The following PARD3B variants were observed in gnomAD, a reference collection of about 807,000 sequenced individuals.
PARD3B encodes partitioning defective 3 homolog B.
PARD3B carries 103 observed loss-of-function variants against 130.2 expected under a neutral mutation model. That is an observed-to-expected ratio of 0.79 (90% confidence interval 0.67 to 0.93). The LOEUF (loss-of-function observed/expected upper bound fraction) is 0.93, where lower values mean the gene tolerates loss of function less well. Ranked by LOEUF, PARD3B falls within the 40% of genes least tolerant of loss-of-function variation. The probability of loss-of-function intolerance (pLI) is 0.00; values close to 1 mark genes in which losing one functional copy is unlikely to be tolerated. For synonymous variants in PARD3B, 583 were observed against 553.2 expected (o/e 1.05, Z -0.76); for missense variants, 1,609 against 1,499.2 (o/e 1.07, Z -1.21).
chr2:204,603,173 T>C (rs943886618), intron 1 of PARD3B, among the ~76,000 whole-genome samples: 2 of 152,128 alleles, frequency 1.3e-5, no homozygotes, highest in Non-Finnish European at 2.9e-5. Flanking sequence ...TGAATCCTTA[T>C]CACATAACCT....
At chr2:205,400,060 C>T (rs1208433828) in intron 18 of PARD3B, among the ~76,000 whole-genome samples, 1 of 152,186 alleles carries the variant, frequency 6.6e-6, no homozygotes, top group Non-Finnish European at 1.5e-5. Context: ...TCTCGTGGCA[C>T]TGTCATGGTG....
At chr2:204,550,614 G>T (rs1381393540) in intron 1 of PARD3B, among the ~76,000 whole-genome samples, 1 of 152,218 alleles carries the variant, frequency 6.6e-6, no homozygotes, top group Non-Finnish European at 1.5e-5. Context: ...GCGTATGTGA[G>T]TACACCCTTT....
At chr2:205,226,202 C>T (rs568697233) in intron 15 of PARD3B, among the ~76,000 whole-genome samples, 14 of 152,216 alleles carry the variant, frequency 9.2e-5, no homozygotes, top group South Asian at 2.1e-4. Context: ...CCACCACGCC[C>T]GGCTAATTTT....
chr2:205,559,675 C>T (rs868057244), intron 22 of PARD3B, among the ~76,000 whole-genome samples: 8 of 149,218 alleles, frequency 5.4e-5, no homozygotes, highest in East Asian at 2.0e-4. Flanking sequence ...CTCGGCTCAC[C>T]GCAACTTCCG....
At chr2:205,170,536 C>A (rs1424540702) in intron 11 of PARD3B, among the ~76,000 whole-genome samples, 2 of 152,176 alleles carry the variant, frequency 1.3e-5, no homozygotes, top group Non-Finnish European at 2.9e-5. Flanking sequence ...GCGGCCCCTG[C>A]AATCCCACGT....
intron 15 of PARD3B, among the ~76,000 whole-genome samples, chr2:205,242,310 A>G (rs1293150790): frequency 6.6e-6 from 1 of 152,198 alleles, no homozygotes; most frequent in Non-Finnish European, 1.5e-5. Flanking sequence ...GAAATAATAA[A>G]TATTATTCAG....
rs2033402123 is a variant in PARD3B, at chr2:205,146,855, G to A, written c.1435-11867G>A. 6.6e-6 allele frequency among the ~76,000 whole-genome samples: 1 copy of A among 151,914 alleles called. No individual in the cohort carries two copies. The highest frequency in any genetic ancestry group is 1.5e-5 in the Non-Finnish European group (1 of 68,000). ...CGATTCTCCTGCCTCAGCTTCCTGA[G>A]TAGCTGGGATTATAGGACCCGGCTA... On this transcript the variant is annotated intron_variant, in intron 10 of 22. Transcript: ENST00000406610. This position sits in a 1 kb window ranked among gnomAD's most constrained non-coding sequence, Gnocchi z 4.3.
intron 3 of PARD3B, among the ~76,000 whole-genome samples, chr2:205,040,389 G>A (rs1698312346): frequency 6.6e-6 from 1 of 152,178 alleles, no homozygotes; most frequent in Non-Finnish European, 1.5e-5. Context: ...GCTTCTTTGA[G>A]GTGACAGTGC....
At chr2:204,994,915 T>G (rs1386566772) in intron 3 of PARD3B, among the ~76,000 whole-genome samples, 3 of 151,886 alleles carry the variant, frequency 2.0e-5, no homozygotes, top group Admixed American at 1.3e-4. Flanking sequence ...CTGCCTTTTT[T>G]TGTTTTCCAT....
chr2:204,749,993 G>T (rs1051490550), intron 2 of PARD3B, among the ~76,000 whole-genome samples: 1 of 151,994 alleles, frequency 6.6e-6, no homozygotes, highest in Admixed American at 6.6e-5. Context: ...CATCTCTCTT[G>T]TCTCTAATTG....
intron 16 of PARD3B, among the ~76,000 whole-genome samples, chr2:205,252,842 C>T (rs1362726413): frequency 8.9e-5 from 12 of 134,210 alleles, no homozygotes; most frequent in Admixed American, 1.5e-4. Context: ...GAAGGGACCC[C>T]CCCCCCCCAC....
At chr2:205,476,096 C>A (rs1156373173) in intron 20 of PARD3B, among the ~76,000 whole-genome samples, 2 of 152,134 alleles carry the variant, frequency 1.3e-5, no homozygotes, top group Non-Finnish European at 2.9e-5. Flanking sequence ...TCTAGGAGTA[C>A]AAAATTAATG....
intron 2 of PARD3B, among the ~76,000 whole-genome samples, chr2:204,781,437 C>T (rs2041832437): frequency 6.6e-6 from 1 of 152,110 alleles, no homozygotes; most frequent in African/African-American, 2.4e-5. Flanking sequence ...TGTCTTTATA[C>T]TGCATAAGCT....
intron 21 of PARD3B, among the ~76,000 whole-genome samples, chr2:205,548,185 GTCTTT>G (rs530000882): frequency 3.6e-4 from 55 of 152,118 alleles, no homozygotes; most frequent in Non-Finnish European, 7.4e-4. Context: ...CTTCTCATTT[GTCTTT>G]TCTTTTATTT....
At chr2:204,765,621 T>C (rs1171648955) in intron 2 of PARD3B, among the ~76,000 whole-genome samples, 1 of 152,234 alleles carries the variant, frequency 6.6e-6, no homozygotes, top group East Asian at 1.9e-4. Context: ...GTTTCTTTCA[T>C]TCTTCTCTCC....
intron 15 of PARD3B, among the ~76,000 whole-genome samples, chr2:205,194,913 A>C (rs1046135264): frequency 1.3e-5 from 2 of 149,324 alleles, no homozygotes; most frequent in Admixed American, 6.7e-5. Context: ...CCTCGCAAGT[A>C]GCTTGGATTA....
At chr2:204,870,930 C>T (rs2045605521) in intron 2 of PARD3B, among the ~76,000 whole-genome samples, 2 of 152,128 alleles carry the variant, frequency 1.3e-5, no homozygotes, top group Non-Finnish European at 2.9e-5. Flanking sequence ...ATTATTAAGA[C>T]ATTTTAAATT....
chr2:205,304,635 C>CAAAA (rs34125638), intron 18 of PARD3B, among the ~76,000 whole-genome samples: 1 of 134,006 alleles, frequency 7.5e-6, no homozygotes, highest in Non-Finnish European at 1.6e-5. Flanking sequence ...AACTCCATCT[C>CAAAA]AAAAAAAAAA....
chr2:205,306,254 C>T (rs998560554), intron 18 of PARD3B, among the ~76,000 whole-genome samples: 1 of 152,158 alleles, frequency 6.6e-6, no homozygotes, highest in African/African-American at 2.4e-5. Flanking sequence ...GGTTTTAGCC[C>T]TGTTGTGTTC....
Sources: gnomAD v4.1 joint callset for allele counts (sites outside exome capture counted in the v4.1 genomes callset) on GRCh38, gnomAD v4.1.1 for gene constraint, Gnocchi (gnomAD v3.1) non-coding constraint, MANE v1.5 for transcripts, NCBI Gene and HGNC (gene_info 2026-07-23, HGNC 2026-07-21) for gene names.